MTCL1: variants seen among roughly 807,000 people sequenced by gnomAD.
The protein encoded by MTCL1 is microtubule crosslinking factor 1.
Under a neutral mutation model 141.4 loss-of-function variants are expected in MTCL1, and 79 were observed. That is an observed-to-expected ratio of 0.56 (90% CI 0.47 to 0.67). The LOEUF (loss-of-function observed/expected upper bound fraction) is 0.67, where lower values mean the gene tolerates loss of function less well. Among genes scored for constraint, MTCL1 ranks in the 30% least tolerant of loss-of-function variants. The pLI, the probability that MTCL1 is intolerant of heterozygous loss-of-function variation, is 0.00. For missense variants in MTCL1, 2,177 were observed against 2,113.9 expected, an observed-to-expected ratio of 1.03 and a Z score of -0.59; for synonymous variants, 914 against 875.8, an observed-to-expected ratio of 1.04 and a Z score of -0.77.
At chr18:8,803,960 G>A (rs1384963682) in intron 10 of MTCL1, among the ~76,000 whole-genome samples, 1 of 152,170 alleles carries the variant, frequency 6.6e-6, no homozygotes, top group Non-Finnish European at 1.5e-5. Context: ...GGCATTCATA[G>A]AAAACCATCG....
chr18:8,796,118 G>A lies in MTCL1; in HGVS notation c.2011-114G>A, dbSNP rs543912060. Reference sequence around the variant, plus strand: ...ACTTCTGGGGACTCCTGTGTTTCACGTCTCATATGCAGCATGACAGAGACT... The same window carrying A: ...ACTTCTGGGGACTCCTGTGTTTCACATCTCATATGCAGCATGACAGAGACT... On this transcript the variant is annotated intron_variant, in intron 8 of 16. Coordinates refer to ENST00000359865, the Ensembl canonical transcript of MTCL1. 89 of 1,002,262 alleles carry A rather than the reference G, an allele frequency of 8.9e-5. 1 individual carries two copies. Among genetic ancestry groups the A allele is most frequent in the Middle Eastern group, 5.1e-4 (2 of 3,910 alleles). The allele number at this position is 1,002,262 out of a possible 1,614,324, so 62.1% of individuals were successfully genotyped here.
chr18:8,775,875 A>G (rs1234410689), intron 4 of MTCL1, among the ~76,000 whole-genome samples: 1 of 152,070 alleles, frequency 6.6e-6, no homozygotes, highest in East Asian at 1.9e-4. Context: ...TCAGTTATCT[A>G]TTTTATATTT....
intron 4 of MTCL1, among the ~76,000 whole-genome samples, chr18:8,771,956 C>G (rs2096486767): frequency 6.6e-6 from 1 of 152,240 alleles, no homozygotes; most frequent in Non-Finnish European, 1.5e-5. Context: ...CTCTCTGAGG[C>G]ATCCAGAGGA....
At chr18:8,793,119 A>T in exon 8 of MTCL1, 1 of 1,613,682 alleles carries the variant, frequency 6.2e-7, no homozygotes, top group Non-Finnish European at 8.5e-7. Flanking sequence ...AAGATCCATA[A>T]GGTAAATATT....
At chr18:8,806,194 C>T (rs16954234) in intron 10 of MTCL1, among the ~76,000 whole-genome samples, 1 of 152,032 alleles carries the variant, frequency 6.6e-6, no homozygotes, top group South Asian at 2.1e-4. Context: ...TAAAGCCTTC[C>T]TGAACAGGTT....
rs1018338878 is a variant in MTCL1, at chr18:8,756,441, A to G, written c.358-21392A>G. Among the ~76,000 whole-genome samples, 7 of 134,576 alleles carry G rather than the reference A, an allele frequency of 5.2e-5. No individual in the cohort carries two copies. The East Asian group carries it at 6.4e-4, about 12-fold the overall frequency. The allele number at this position is 134,576 out of a possible 152,430, so 88.3% of individuals were successfully genotyped here. A position where few individuals can be genotyped will look rare whatever the true frequency, so the allele number is the denominator to read the frequency against. ...TGTATATATGTGTATATATGTATATATGTGTATATATGTGTATATATGTGT... is the reference window on the plus strand; with the variant it reads ...TGTATATATGTGTATATATGTATATGTGTGTATATATGTGTATATATGTGT... On this transcript the variant is annotated intron_variant, in intron 4 of 16. Coordinates refer to ENST00000359865, the Ensembl canonical transcript of MTCL1.
At chr18:8,780,719 T>C (rs1342251222) in intron 5 of MTCL1, among the ~76,000 whole-genome samples, 1 of 152,246 alleles carries the variant, frequency 6.6e-6, no homozygotes, top group African/African-American at 2.4e-5. Flanking sequence ...GACCTGTCTA[T>C]GTATTTGGAT....
intron 10 of MTCL1, among the ~76,000 whole-genome samples, chr18:8,804,436 C>T (rs959986519): frequency 6.6e-6 from 1 of 151,738 alleles, no homozygotes; most frequent in South Asian, 2.1e-4. Flanking sequence ...TACTTTTTGA[C>T]GTGGAATTTT....
intron 4 of MTCL1, among the ~76,000 whole-genome samples, chr18:8,739,052 A>G (rs1014054096): frequency 1.4e-4 from 22 of 152,180 alleles, no homozygotes; most frequent in Admixed American, 1.3e-4. Flanking sequence ...AAGCTTGGGC[A>G]ACATAGCAAG....
intron 4 of MTCL1, among the ~76,000 whole-genome samples, chr18:8,734,944 T>G (rs682898): frequency 0.89 from 135,418 of 152,210 alleles, 60,538 homozygotes; most frequent in East Asian, 1. Flanking sequence ...CAGGAGAGGG[T>G]CTGGGAGTTG....
intron 4 of MTCL1, among the ~76,000 whole-genome samples, chr18:8,750,276 C>T (rs112032480): frequency 1.0e-3 from 158 of 152,306 alleles, no homozygotes; most frequent in African/African-American, 3.7e-3. Flanking sequence ...GAACTCCTGA[C>T]CTCAAGTGAT....
At chr18:8,796,419 G>A (rs982120640) in exon 9 of MTCL1, 17 of 1,613,916 alleles carry the variant, frequency 1.1e-5, no homozygotes, top group African/African-American at 6.7e-5. Context: ...AAACACTGGC[G>A]GCAAGGGAAG....
At chr18:8,832,590 A>G (rs2144588625) in exon 17 of MTCL1, 1 of 152,308 alleles carries the variant, frequency 6.6e-6, no homozygotes, top group Middle Eastern at 3.4e-3. Flanking sequence ...TGCATCGATG[A>G]TCCAACAGCA....
intron 13 of MTCL1, among the ~76,000 whole-genome samples, chr18:8,821,053 CCATCTTTCTCTCTAACATAA>C (rs2076828702): frequency 6.6e-6 from 1 of 152,196 alleles, no homozygotes; most frequent in Non-Finnish European, 1.5e-5. Flanking sequence ...CTATCACCTT[CCATCTTTCTCTCTAACATAA>C]CACATGCACA....
At chr18:8,706,220 C>T (rs1454492866) in exon 1 of MTCL1, 6 of 1,227,580 alleles carry the variant, frequency 4.9e-6, no homozygotes, top group Admixed American at 8.5e-5. Flanking sequence ...CCTGCCGTGA[C>T]CCTCGCGGTG....
In MTCL1 at chr18:8,724,823, T is replaced by TA. The variant is rs1170477050; in HGVS notation, c.357+4327_357+4328insA. ...TTTTAAAAGTTACTTTCTCTATTGA[T>TA]TAAAAAAAGGGCTGATCTGGCTAGA... On this transcript the variant is annotated intron_variant, in intron 4 of 16. Transcript: ENST00000359865. 2.4e-3 allele frequency among the ~76,000 whole-genome samples: 358 copies of TA among 151,962 alleles called. 2 individuals are homozygous for TA. Among genetic ancestry groups the TA allele is most frequent in the African/African-American group, 7.6e-3 (315 of 41,414 alleles).
chr18:8,803,787 A>G (rs2144048996), intron 10 of MTCL1, among the ~76,000 whole-genome samples: 1 of 152,378 alleles, frequency 6.6e-6, no homozygotes, highest in South Asian at 2.1e-4. Context: ...TGCATAAATC[A>G]TTAAGGCTTA....
rs779315587 is a variant in MTCL1 at position 8,720,327 on chromosome 18, G to A, written c.199-11G>A. ...TCATATCCTGATAATGATCTCTGTG[G>A]GTCGATGCAGGTAGCCAAAGATGTA... On this transcript the variant is annotated splice_polypyrimidine_tract_variant and intron_variant, in intron 3 of 16. Transcript: ENST00000359865. The A allele has an allele frequency of 1.2e-6, 2 of 1,613,882 alleles. No individual in the cohort carries two copies. Among genetic ancestry groups the A allele is most frequent in the East Asian group, 4.5e-5 (2 of 44,880 alleles).
At chr18:8,785,820 C>G (rs1598651497) in intron 6 of MTCL1, 116 bp from the exon 6 acceptor site, 3 of 1,270,632 alleles carry the variant, frequency 2.4e-6, no homozygotes, top group Non-Finnish European at 3.2e-6. Flanking sequence ...CTCCCTTGTC[C>G]ATTTTTGTTT....
Sources: gnomAD v4.1 joint callset for allele counts (sites outside exome capture counted in the v4.1 genomes callset) on GRCh38, gnomAD v4.1.1 for gene constraint, MANE v1.5 for transcripts, NCBI Gene and HGNC (gene_info 2026-07-23, HGNC 2026-07-21) for gene names.